Variants in SH3GL2 observed in about 807,000 individuals in gnomAD.
SH3GL2 encodes the protein endophilin-A1.
SH3GL2 carries 24 observed loss-of-function variants against 46.0 expected under a neutral mutation model. The observed-to-expected ratio is 0.52, with a 90% CI of 0.38 to 0.73. The LOEUF is 0.73. Ranked by LOEUF, SH3GL2 falls within the 30% of genes least tolerant of loss-of-function variation. The pLI, the probability that SH3GL2 is intolerant of heterozygous loss-of-function variation, is 0.00. For missense variants in SH3GL2, 413 were observed against 424.2 expected, an observed-to-expected ratio of 0.97 and a Z score of 0.23; for synonymous variants, 196 against 147.1, an observed-to-expected ratio of 1.33 and a Z score of -2.40.
intron 1 of SH3GL2, among the ~76,000 whole-genome samples, chr9:17,693,398 A>G (rs1821129473): frequency 6.6e-6 from 1 of 152,160 alleles, no homozygotes; most frequent in African/African-American, 2.4e-5. Context: ...AGATGAACTA[A>G]ATATCCAACT....
chr9:17,734,192 C>A (rs1822260717), intron 1 of SH3GL2, among the ~76,000 whole-genome samples: 3 of 152,062 alleles, frequency 2.0e-5, no homozygotes. Flanking sequence ...GACTAATTGC[C>A]CTCAACCCTT....
chr9:17,655,139 A>G (rs1368238140), intron 1 of SH3GL2, among the ~76,000 whole-genome samples: 1 of 152,230 alleles, frequency 6.6e-6, no homozygotes, highest in Non-Finnish European at 1.5e-5. Flanking sequence ...GCCAGGGTCC[A>G]TAAGTGGAAA....
chr9:17,665,904 C>T (rs1321849563), intron 1 of SH3GL2, among the ~76,000 whole-genome samples: 1 of 147,822 alleles, frequency 6.8e-6, no homozygotes, highest in East Asian at 2.0e-4. Flanking sequence ...TCCGTCTATC[C>T]ATGAAAAACC....
intron 1 of SH3GL2, among the ~76,000 whole-genome samples, chr9:17,702,618 A>G (rs1252927619): frequency 6.6e-6 from 1 of 152,108 alleles, no homozygotes; most frequent in Non-Finnish European, 1.5e-5. Context: ...TGCATCTAAA[A>G]CAACCTGCAT....
chr9:17,780,769 TG>T lies in SH3GL2; in HGVS notation c.188-5610del, dbSNP rs561437301. ...TCTTGCGATAGTTTACTGAGAATGA[TG>T]GTTTCCAATTTCATCCATGTCCCTA... On this transcript the variant is annotated intron_variant, in intron 3 of 8. Transcript: ENST00000380607. Among the ~76,000 whole-genome samples, 216 of 36,208 alleles carry T rather than the reference TG, an allele frequency of 6.0e-3. 2 individuals carry two copies. Among genetic ancestry groups the T allele is most frequent in the African/African-American group, 0.023 (196 of 8,538 alleles). The allele number at this position is 36,208 out of a possible 152,430, so 23.8% of individuals were successfully genotyped here. A position where few individuals can be genotyped will look rare whatever the true frequency, so the allele number is the denominator to read the frequency against.
chr9:17,758,520 C>A (rs1367613850), intron 2 of SH3GL2, among the ~76,000 whole-genome samples: 4 of 127,220 alleles, frequency 3.1e-5, no homozygotes, highest in Admixed American at 1.0e-4. Context: ...TGAGATTGCT[C>A]TACTGCACTC....
intron 1 of SH3GL2, among the ~76,000 whole-genome samples, chr9:17,721,878 C>G (rs1351536436): frequency 6.6e-6 from 1 of 151,990 alleles, no homozygotes; most frequent in Non-Finnish European, 1.5e-5. Flanking sequence ...CTGGAGAACC[C>G]TAATATAACC....
chr9:17,720,387 C>T (rs1036671112), intron 1 of SH3GL2, among the ~76,000 whole-genome samples: 1 of 152,124 alleles, frequency 6.6e-6, no homozygotes, highest in Non-Finnish European at 1.5e-5. Context: ...AACCAAAATA[C>T]GTTGAAAGAG....
chr9:17,585,736 G>A (rs1450667347), intron 1 of SH3GL2, among the ~76,000 whole-genome samples: 1 of 152,178 alleles, frequency 6.6e-6, no homozygotes, highest in African/African-American at 2.4e-5. Flanking sequence ...GTAGGTCGTG[G>A]TCAGAAGAAG....
intron 1 of SH3GL2, among the ~76,000 whole-genome samples, chr9:17,627,249 C>T (rs1011841106): frequency 2.0e-5 from 3 of 152,122 alleles, no homozygotes; most frequent in Non-Finnish European, 2.9e-5. Flanking sequence ...CATCCTGCAG[C>T]GCCATATATT....
chr9:17,709,567 A>C (rs1821562535), intron 1 of SH3GL2, among the ~76,000 whole-genome samples: 1 of 151,862 alleles, frequency 6.6e-6, no homozygotes, highest in South Asian at 2.1e-4. Flanking sequence ...TTACAACTGA[A>C]GATGAAAACT....
At chr9:17,638,203 A>T (rs973917220) in intron 1 of SH3GL2, among the ~76,000 whole-genome samples, 15 of 152,066 alleles carry the variant, frequency 9.9e-5, no homozygotes, top group African/African-American at 2.9e-4. Flanking sequence ...CATAGCACTG[A>T]TGTTTTGCAA....
intron 1 of SH3GL2, among the ~76,000 whole-genome samples, chr9:17,638,842 G>T (rs74925340): frequency 0.024 from 3,632 of 152,258 alleles, 161 homozygotes; most frequent in African/African-American, 0.081. Context: ...CTGGGGGAGG[G>T]GGTGGTGGTG....
intron 1 of SH3GL2, among the ~76,000 whole-genome samples, chr9:17,616,318 G>A (rs984240581): frequency 5.9e-5 from 9 of 152,206 alleles, no homozygotes; most frequent in African/African-American, 1.9e-4. Context: ...TTTTCCAGAA[G>A]TTAGCAGCTG....
chr9:17,612,237 C>G (rs965070279), intron 1 of SH3GL2, among the ~76,000 whole-genome samples: 8 of 152,138 alleles, frequency 5.3e-5, no homozygotes, highest in Admixed American at 3.3e-4. Flanking sequence ...GGAGGAAAAG[C>G]CCTTCCGGGA....
rs558533378 is a variant in SH3GL2, at chr9:17,581,299, A to G, written c.45+2012A>G. Among the ~76,000 whole-genome samples, 12 of 152,330 alleles carry G rather than the reference A, an allele frequency of 7.9e-5. 1 individual carries two copies. In the South Asian group the frequency reaches 2.5e-3, roughly 32 times the overall value. ...GTTAGGAAAGAACTTAAAAGGTTGG[A>G]GAAGGTCGGCATGTGATGCGATACG... On this transcript the variant is annotated intron_variant, in intron 1 of 8. Coordinates refer to ENST00000380607, the MANE Select transcript of SH3GL2 (RefSeq NM_003026.5).
chr9:17,679,425 T>C (rs1383608671), intron 1 of SH3GL2, among the ~76,000 whole-genome samples: 2 of 152,212 alleles, frequency 1.3e-5, no homozygotes, highest in East Asian at 3.8e-4. Flanking sequence ...ATGATTTGGC[T>C]GTTTGTCTGT....
At position 17,606,906 on chromosome 9, in the gene SH3GL2, GTAAGACCCCAC is replaced by G. The variant is rs1818769932; in HGVS notation, c.45+27621_45+27631del. On this transcript the variant is annotated intron_variant, in intron 1 of 8. Transcript: ENST00000380607. ...AGAAATAGACGGTCAGCAGTAGAAA[GTAAGACCCCAC>G]TTGTGATTTACCCAAGTTCTTTGGA... 2.0e-5 allele frequency among the ~76,000 whole-genome samples: 3 copies of G among 152,322 alleles called. No individual in the cohort carries two copies. The South Asian group carries it at 6.2e-4, about 32-fold the overall frequency.
chr9:17,625,545 A>AT (rs1360941732), intron 1 of SH3GL2, among the ~76,000 whole-genome samples: 2 of 152,206 alleles, frequency 1.3e-5, no homozygotes, highest in African/African-American at 2.4e-5. Context: ...GATCAATTCT[A>AT]TTTTACAGAC....
Sources: allele counts gnomAD v4.1 joint callset (sites outside exome capture counted in the v4.1 genomes callset), GRCh38; gene constraint gnomAD v4.1.1; transcripts MANE v1.5; gene names NCBI Gene and HGNC (gene_info 2026-07-23, HGNC 2026-07-21).